GALNT13: variants seen among roughly 807,000 people sequenced by gnomAD.
GALNT13 encodes the protein polypeptide N-acetylgalactosaminyltransferase 13.
A neutral mutation model predicts 64.2 loss-of-function variants in GALNT13; 28 were observed. The ratio of observed to expected loss-of-function variants is 0.44; its 90% CI spans 0.32 to 0.60. The LOEUF (loss-of-function observed/expected upper bound fraction) is 0.60. Among genes scored for constraint, GALNT13 ranks in the 20% least tolerant of loss-of-function variants. The pLI, the probability that GALNT13 is intolerant of heterozygous loss-of-function variation, is 0.05. For missense variants in GALNT13, 577 were observed against 669.8 expected, an observed-to-expected ratio of 0.86 and a Z score of 1.53; for synonymous variants, 214 against 224.6, an observed-to-expected ratio of 0.95 and a Z score of 0.42.
chr2:153,578,988 A>G, the GALNT13 span, among the ~76,000 whole-genome samples: 1 of 152,210 alleles, frequency 6.6e-6, no homozygotes. Flanking sequence ...TATCTGGCTA[A>G]CGCATTCTAG....
In GALNT13 at chr2:154,017,829, G is replaced by T. The variant is rs563162615; in HGVS notation, c.142+73190G>T. 2.6e-5 allele frequency among the ~76,000 whole-genome samples: 4 copies of T among 152,292 alleles called. No homozygotes were observed. The East Asian group carries it at 5.8e-4, about 22-fold the overall frequency. On this transcript the variant is annotated intron_variant, in intron 3 of 12. Coordinates refer to ENST00000392825, the MANE Select transcript of GALNT13 (RefSeq NM_052917.4). Reference sequence around the variant, plus strand: ...AGTTTATTTTTGTTATTCGTAGGGAGAATTTTAGGTATTGTAGCCACCTTC... The same window carrying T: ...AGTTTATTTTTGTTATTCGTAGGGATAATTTTAGGTATTGTAGCCACCTTC...
At chr2:153,476,462 C>T in the GALNT13 span, among the ~76,000 whole-genome samples, 1 of 152,094 alleles carries the variant, frequency 6.6e-6, no homozygotes, top group South Asian at 2.1e-4. Flanking sequence ...TGCTCAAAAC[C>T]TTTTGTCAAG....
At chr2:154,046,697 C>A (rs1699306215) in intron 3 of GALNT13, among the ~76,000 whole-genome samples, 1 of 152,112 alleles carries the variant, frequency 6.6e-6, no homozygotes. Context: ...ATGAGCTCAA[C>A]AGGGTGGGGC....
chr2:154,193,990 TTATTACCATCGTAAGATAAGTG>T (rs1047243227), intron 4 of GALNT13, among the ~76,000 whole-genome samples: 2 of 152,156 alleles, frequency 1.3e-5, no homozygotes, highest in Non-Finnish European at 2.9e-5. Context: ...ATACCAGTTA[TTATTACCATCGTAAGATAAGTG>T]TATTTTTGCA....
chr2:154,228,453 G>A (rs1056917453), intron 4 of GALNT13, among the ~76,000 whole-genome samples: 11 of 152,092 alleles, frequency 7.2e-5, no homozygotes, highest in Admixed American at 5.3e-4. Flanking sequence ...TTCTCCATGA[G>A]GGAATTATTT....
At chr2:154,445,782 C>T (rs2105493377) in intron 12 of GALNT13, 2 of 1,285,894 alleles carry the variant, frequency 1.6e-6, no homozygotes, top group Non-Finnish European at 2.0e-6. Flanking sequence ...TGGTCTTTCA[C>T]TAAGTGTTTG....
At chr2:153,911,969 A>G (rs1003111308) in intron 2 of GALNT13, among the ~76,000 whole-genome samples, 30 of 152,188 alleles carry the variant, frequency 2.0e-4, no homozygotes, top group African/African-American at 7.2e-4. Flanking sequence ...GATAGGGGAA[A>G]TTCTTATGGA....
At chr2:154,023,649 G>A (rs1207859449) in intron 3 of GALNT13, among the ~76,000 whole-genome samples, 13 of 152,046 alleles carry the variant, frequency 8.6e-5, no homozygotes, top group South Asian at 4.2e-4. Context: ...TCTTTATCCA[G>A]TTTGCCAGTC....
chr2:154,434,313 G>T (rs752961159), intron 11 of GALNT13, among the ~76,000 whole-genome samples: 2 of 152,186 alleles, frequency 1.3e-5, no homozygotes, highest in African/African-American at 4.8e-5. Context: ...AGGCTGGAGT[G>T]CAGTGGTGTG....
chr2:153,249,752 A>G, the GALNT13 span, among the ~76,000 whole-genome samples: 1 of 152,178 alleles, frequency 6.6e-6, no homozygotes, highest in African/African-American at 2.4e-5. Context: ...TCTTCAACAA[A>G]AATGACAAAA....
At chr2:153,690,969 G>A in the GALNT13 span, among the ~76,000 whole-genome samples, 1 of 152,092 alleles carries the variant, frequency 6.6e-6, no homozygotes, top group Admixed American at 6.6e-5. Flanking sequence ...TCAGTCAAAT[G>A]TCCACGAGAG....
chr2:154,186,921 A>C (rs1573836044), intron 4 of GALNT13, among the ~76,000 whole-genome samples: 1 of 152,130 alleles, frequency 6.6e-6, no homozygotes, highest in South Asian at 2.1e-4. Context: ...TTGAGAAAGT[A>C]TCTTTCTGAT....
the GALNT13 span, among the ~76,000 whole-genome samples, chr2:153,136,217 C>T: frequency 6.6e-6 from 1 of 152,046 alleles, no homozygotes; most frequent in Admixed American, 6.6e-5. Context: ...AGAGATAACA[C>T]CCCTTTACTC....
chr2:153,097,623 C>G, the GALNT13 span, among the ~76,000 whole-genome samples: 1 of 152,168 alleles, frequency 6.6e-6, no homozygotes, highest in Non-Finnish European at 1.5e-5. Context: ...TCTCTTTTGT[C>G]TGTCAGAGCC....
chr2:153,325,366 GT>G, the GALNT13 span, among the ~76,000 whole-genome samples: 3 of 151,788 alleles, frequency 2.0e-5, no homozygotes, highest in African/African-American at 7.3e-5. Context: ...TTTTTATTGT[GT>G]CTGTTTGATT....
chr2:153,258,323 A>C, the GALNT13 span, among the ~76,000 whole-genome samples: 15 of 152,220 alleles, frequency 9.9e-5, no homozygotes, highest in South Asian at 2.9e-3. Flanking sequence ...GTGATCCACA[A>C]ATTATCTGGA....
the GALNT13 span, among the ~76,000 whole-genome samples, chr2:153,401,239 A>C: frequency 6.6e-6 from 1 of 151,994 alleles, no homozygotes; most frequent in African/African-American, 2.4e-5. Flanking sequence ...AGCGCTTTTG[A>C]ATGAGATTCT....
the GALNT13 span, among the ~76,000 whole-genome samples, chr2:153,440,959 C>T: frequency 6.6e-6 from 1 of 152,058 alleles, no homozygotes; most frequent in Non-Finnish European, 1.5e-5. Flanking sequence ...TAATTAGATC[C>T]CATTTGTCAA....
At chr2:154,148,188 T>A (rs1158221864) in intron 4 of GALNT13, among the ~76,000 whole-genome samples, 4 of 152,192 alleles carry the variant, frequency 2.6e-5, no homozygotes, top group African/African-American at 7.2e-5. Context: ...TGGTTTTTTG[T>A]TCTTGTGATA....
Sources: gnomAD v4.1 joint callset for allele counts (sites outside exome capture counted in the v4.1 genomes callset) on GRCh38, gnomAD v4.1.1 for gene constraint, MANE v1.5 for transcripts, NCBI Gene and HGNC (gene_info 2026-07-23, HGNC 2026-07-21) for gene names.